Variants in CHRNB3 observed in about 807,000 individuals in gnomAD.
CHRNB3 encodes cholinergic receptor nicotinic beta 3 subunit, also known as neuronal acetylcholine receptor subunit beta-3.
Under a neutral mutation model 40.6 loss-of-function variants are expected in CHRNB3, and 37 were observed. That is an observed-to-expected ratio of 0.91 (90% CI 0.70 to 1.20). CHRNB3 has a LOEUF of 1.20. Ranked by LOEUF, CHRNB3 falls within the 50% of genes most tolerant of loss-of-function variation. The pLI is 0.00. For synonymous variants in CHRNB3, 207 were observed against 207.1 expected (o/e 1.00, Z 0.00); for missense variants, 505 against 551.2 (o/e 0.92, Z 0.84).
At chr8:42,703,050 TTTA>T (rs1364160864) in intron 1 of CHRNB3, among the ~76,000 whole-genome samples, 1 of 152,106 alleles carries the variant, frequency 6.6e-6, no homozygotes, top group Non-Finnish European at 1.5e-5. Flanking sequence ...ACTTCTTGGC[TTTA>T]TTGTCTTAGC....
rs1815957640 is a variant in CHRNB3, at chr8:42,708,505, T to C, written c.53-212T>C. 3.0e-5 allele frequency among the ~76,000 whole-genome samples: 3 copies of C among 99,026 alleles called. No individual in the cohort carries two copies. The Admixed American group carries it at 3.1e-4, about 10-fold the overall frequency. 65.0% of individuals were successfully genotyped at this position (99,026 alleles called of 152,430 possible). On this transcript the variant is annotated intron_variant, in intron 1 of 5. Coordinates refer to ENST00000289957, the MANE Select transcript of CHRNB3 (RefSeq NM_000749.5). Reference sequence around the variant, plus strand: ...CACACACACACACACACAAACAAAATGTGGATTCTGTTTTCAGCTGTGTGT... The same window carrying C: ...CACACACACACACACACAAACAAAACGTGGATTCTGTTTTCAGCTGTGTGT...
At chr8:42,728,308 T>G (rs1215340978) in intron 3 of CHRNB3, among the ~76,000 whole-genome samples, 1 of 152,114 alleles carries the variant, frequency 6.6e-6, no homozygotes, top group Non-Finnish European at 1.5e-5. Flanking sequence ...GAGAATTGCT[T>G]GAGCCTAGGG....
chr8:42,709,695 A>C (rs1326268735), intron 2 of CHRNB3, among the ~76,000 whole-genome samples: 1 of 152,142 alleles, frequency 6.6e-6, no homozygotes, highest in African/African-American at 2.4e-5. Context: ...CAGAAGGGTG[A>C]TCTTGGCTCA....
intron 1 of CHRNB3, among the ~76,000 whole-genome samples, chr8:42,708,061 T>C (rs1322137294): frequency 6.6e-6 from 1 of 152,130 alleles, no homozygotes; most frequent in Non-Finnish European, 1.5e-5. Flanking sequence ...AGAGGGAGCG[T>C]TGCAGATGGG....
chr8:42,719,058 T>C (rs1422998890), intron 3 of CHRNB3, among the ~76,000 whole-genome samples: 2 of 152,156 alleles, frequency 1.3e-5, no homozygotes, highest in African/African-American at 4.8e-5. Context: ...TTTGAGCATC[T>C]CAGCTAGAAC....
chr8:42,730,708 G>C lies in CHRNB3; in HGVS notation c.359+5G>C. Reference sequence around the variant, plus strand: ...TGACATAGTTCTCTTTGAAAAGTAAGTATCACATTGTTTCTTACTTATGGG... The same window carrying C: ...TGACATAGTTCTCTTTGAAAAGTAACTATCACATTGTTTCTTACTTATGGG... On this transcript the variant is annotated splice_donor_5th_base_variant and intron_variant, in intron 4 of 5. Transcript: ENST00000289957. 6.5e-7 allele frequency: 1 copy of C among 1,534,874 alleles called. No individual in the cohort carries two copies.
chr8:42,723,248 T>C (rs971364135), intron 3 of CHRNB3, among the ~76,000 whole-genome samples: 6 of 152,180 alleles, frequency 3.9e-5, no homozygotes, highest in Non-Finnish European at 7.3e-5. Flanking sequence ...TTATTACTTT[T>C]AACAGATATT....
chr8:42,704,546 ACCT>A (rs1179515061), intron 1 of CHRNB3: 1 of 151,826 alleles, frequency 6.6e-6, no homozygotes, highest in Non-Finnish European at 1.5e-5. Context: ...GTGCAACTCC[ACCT>A]CCTTTCAGAA....
chr8:42,707,689 G>C (rs1480546994), intron 1 of CHRNB3, among the ~76,000 whole-genome samples: 3 of 152,222 alleles, frequency 2.0e-5, no homozygotes, highest in Admixed American at 1.3e-4. Context: ...GGGTGTTTCT[G>C]AGGTTCTCAC....
intron 3 of CHRNB3, among the ~76,000 whole-genome samples, chr8:42,721,504 A>G (rs1438066672): frequency 6.6e-6 from 1 of 152,142 alleles, no homozygotes; most frequent in Non-Finnish European, 1.5e-5. Context: ...CAGGTGGATC[A>G]CTTGACCTCA....
intron 3 of CHRNB3, among the ~76,000 whole-genome samples, 185 bp from the exon 4 acceptor site, chr8:42,730,409 C>G (rs978709818): frequency 3.9e-5 from 6 of 152,128 alleles, no homozygotes; most frequent in African/African-American, 1.4e-4. Flanking sequence ...TGGGTGAGAT[C>G]AGAGGCCAGG....
chr8:42,718,106 A>G (rs556106362), intron 3 of CHRNB3, among the ~76,000 whole-genome samples: 1 of 152,048 alleles, frequency 6.6e-6, no homozygotes, highest in Non-Finnish European at 1.5e-5. Context: ...CTAGGATTAT[A>G]GGGGTGAGCC....
At chr8:42,719,745 G>C (rs1305692347) in intron 3 of CHRNB3, among the ~76,000 whole-genome samples, 1 of 152,174 alleles carries the variant, frequency 6.6e-6, no homozygotes. Context: ...CTAAGGTTGT[G>C]AAGAATGCTC....
intron 1 of CHRNB3, among the ~76,000 whole-genome samples, chr8:42,701,647 A>G (rs1815803468): frequency 1.3e-5 from 2 of 152,194 alleles, no homozygotes; most frequent in African/African-American, 4.8e-5. Flanking sequence ...AATATCTTTC[A>G]TGATTTCATT....
intron 1 of CHRNB3, among the ~76,000 whole-genome samples, chr8:42,708,496 CAA>C (rs1491572973): frequency 2.8e-4 from 42 of 151,868 alleles, no homozygotes; most frequent in African/African-American, 9.9e-4. Flanking sequence ...CACACACACA[CAA>C]ACAAAATGTG....
At chr8:42,710,547 G>A in intron 3 of CHRNB3, 113 bp downstream of exon 3, 1 of 835,966 alleles carries the variant, frequency 1.2e-6, no homozygotes, top group Non-Finnish European at 1.9e-6. Context: ...TCCTCAGGGA[G>A]ATTTGTGGGA....
chr8:42,712,415 C>T (rs1423052807), intron 3 of CHRNB3, among the ~76,000 whole-genome samples: 1 of 152,158 alleles, frequency 6.6e-6, no homozygotes, highest in African/African-American at 2.4e-5. Context: ...GAGCTTCCCC[C>T]AGCTTCATTT....
chr8:42,701,044 A>T (rs964943044), intron 1 of CHRNB3, among the ~76,000 whole-genome samples: 2 of 151,836 alleles, frequency 1.3e-5, no homozygotes, highest in Non-Finnish European at 2.9e-5. Context: ...CCTGGCCAAC[A>T]TGGTGAAACC....
intron 1 of CHRNB3, among the ~76,000 whole-genome samples, chr8:42,707,267 T>G (rs1038098128): frequency 4.6e-5 from 7 of 152,232 alleles, no homozygotes; most frequent in African/African-American, 1.7e-4. Context: ...AGGGGGATGG[T>G]GCACTGTTGT....
Sources: allele counts gnomAD v4.1 joint callset (sites outside exome capture counted in the v4.1 genomes callset), GRCh38; gene constraint gnomAD v4.1.1; transcripts MANE v1.5; gene names NCBI Gene and HGNC (gene_info 2026-07-23, HGNC 2026-07-21).